The following ABCC8 variants were observed in gnomAD, a reference collection of about 807,000 sequenced individuals.
ABCC8 encodes the protein ATP binding cassette subfamily C member 8.
A neutral mutation model predicts 188.0 loss-of-function variants in ABCC8; 137 were observed. That is an observed-to-expected ratio of 0.73 (90% CI 0.63 to 0.84). The LOEUF is 0.84. Ranked by LOEUF, ABCC8 falls within the 40% of genes least tolerant of loss-of-function variation. The pLI is 0.00. For synonymous variants in ABCC8, 797 were observed against 846.5 expected, an observed-to-expected ratio of 0.94 and a Z score of 1.01; for missense variants, 1,750 against 2,072.7, an observed-to-expected ratio of 0.84 and a Z score of 3.02.
At chr11:17,451,617 G>A (rs1000877942) in intron 7 of ABCC8, among the ~76,000 whole-genome samples, 1 of 152,222 alleles carries the variant, frequency 6.6e-6, no homozygotes, top group Non-Finnish European at 1.5e-5. Context: ...CATGACTAAT[G>A]TTAATGATTC....
intron 8 of ABCC8, chr11:17,444,346 T>C (rs1956441264): frequency 6.6e-6 from 1 of 152,250 alleles, no homozygotes; most frequent in Non-Finnish European, 1.5e-5. Flanking sequence ...CAGTCCTTCA[T>C]TAGTTGTGCT....
rs201724038 is a variant in ABCC8, at chr11:17,427,108, C to T, written c.2163G>A (p.Ser721=). ...TCTCCCCCAGTGCGGCTAGAAGGAG[C>T]GAGGACTTGCCGCAGCCCACCTGCC... is the stretch of plus-strand genomic sequence containing the variant. ...IVGQVGCGKS[S]LLLAALGEMQ... is the part of the protein sequence containing the mutation. The change falls in exon 16 of 39, where the codon TCG becomes TCA. Residue 721 remains serine, a synonymous_variant. Coordinates refer to ENST00000389817, the MANE Select transcript of ABCC8 (RefSeq NM_000352.6). This position sits in a 1 kb window ranked among gnomAD's most constrained non-coding sequence, Gnocchi z 5.0. The T allele has an allele frequency of 2.7e-5, 44 of 1,613,836 alleles. No homozygotes were observed. The East Asian group carries it at 4.7e-4, about 17-fold the overall frequency.
At chr11:17,405,390 G>A (rs1397045166) in intron 27 of ABCC8, 104 bp downstream of exon 27, 1 of 1,543,964 alleles carries the variant, frequency 6.5e-7, no homozygotes, top group African/African-American at 1.4e-5. Context: ...CTTCCCAGAG[G>A]GCTGTGATCA....
chr11:17,469,079 C>CTCCCTTCCTTCCT (rs1564989373), intron 3 of ABCC8, among the ~76,000 whole-genome samples: 3 of 134,304 alleles, frequency 2.2e-5, no homozygotes, highest in African/African-American at 8.7e-5. Context: ...CCTTCCCTCC[C>CTCCCTTCCTTCCT]TCCCTCCTTC....
At chr11:17,455,937 CAAAAAAA>C (rs796687753) in intron 6 of ABCC8, among the ~76,000 whole-genome samples, 16 of 62,774 alleles carry the variant, frequency 2.5e-4, no homozygotes, top group South Asian at 6.2e-4. Context: ...AGGCTCCATC[CAAAAAAA>C]AAAAAAAAAA....
At chr11:17,442,983 G>A (rs1956380050) in intron 9 of ABCC8, 101 bp from the exon 10 acceptor site, 1 of 1,592,846 alleles carries the variant, frequency 6.3e-7, no homozygotes, top group African/African-American at 1.3e-5. Flanking sequence ...CCCGCCTCCT[G>A]TCCTCACCGG....
At chr11:17,403,297 C>T (rs1286578062) in intron 28 of ABCC8, among the ~76,000 whole-genome samples, 2 of 152,200 alleles carry the variant, frequency 1.3e-5, no homozygotes, top group Admixed American at 1.3e-4. Context: ...CCCAAAGCTG[C>T]ACCTCGACAA....
intron 20 of ABCC8, chr11:17,413,014 T>TA: frequency 1.5e-6 from 1 of 684,004 alleles, no homozygotes; most frequent in South Asian, 2.0e-5. Context: ...CAGCAGGGAT[T>TA]AAAATCACAC....
intron 8 of ABCC8, among the ~76,000 whole-genome samples, chr11:17,445,718 T>C (rs991980901): frequency 2.0e-5 from 3 of 150,036 alleles, no homozygotes; most frequent in Non-Finnish European, 3.0e-5. Flanking sequence ...TAAAGGTATA[T>C]ACAAACACAG....
chr11:17,404,433 C>G lies in ABCC8; in HGVS notation c.3557+79G>C. 7.0e-7 allele frequency: 1 copy of G among 1,431,876 alleles called. No homozygotes were observed. 88.7% of individuals were successfully genotyped at this position (1,431,876 alleles called of 1,614,324 possible). ...TTGGAGGGAACACGACCCTATTACTCTCATAACGATGAGTCTAGCAAGTAC... is the reference window on the plus strand; with the variant it reads ...TTGGAGGGAACACGACCCTATTACTGTCATAACGATGAGTCTAGCAAGTAC... On this transcript the variant is annotated intron_variant, in intron 28 of 38. Coordinates refer to ENST00000389817, the MANE Select transcript of ABCC8 (RefSeq NM_000352.6). This position sits in a 1 kb window ranked among gnomAD's most constrained non-coding sequence, Gnocchi z 4.7.
chr11:17,470,200 G>A lies in ABCC8; in HGVS notation c.313C>T (p.His105Tyr), dbSNP rs766068851. 22 of 1,614,086 alleles carry A rather than the reference G, an allele frequency of 1.4e-5. No homozygotes were observed. The highest frequency in any genetic ancestry group is 1.6e-4 in the Middle Eastern group (1 of 6,082). Residue 105 changes from histidine to tyrosine, a missense_variant, in exon 3 of 39, where the codon CAC becomes TAC. His to Tyr is a moderately conservative substitution (Grantham distance 83). Transcript: ENST00000389817. ...SDGVTESHHLHLYMPAGMAFM... is the reference protein window; with the variant it reads ...SDGVTESHHLYLYMPAGMAFM... ...GCCATCCCGGCTGGCATGTACAGGT[G>A]CAGATGGTGGGATTCGGTCACCCTG...
chr11:17,415,866 G>C (rs192037942), intron 17 of ABCC8, among the ~76,000 whole-genome samples: 3 of 152,312 alleles, frequency 2.0e-5, no homozygotes, highest in Admixed American at 2.0e-4. Context: ...GCCCCATATG[G>C]CCCCATCAGA....
At chr11:17,467,968 G>C (rs1326753458) in intron 3 of ABCC8, among the ~76,000 whole-genome samples, 1 of 152,250 alleles carries the variant, frequency 6.6e-6, no homozygotes, top group Non-Finnish European at 1.5e-5. Context: ...GAACTCCTCA[G>C]ATGTCCAGAC....
At chr11:17,459,023 C>T (rs1038923567) in intron 6 of ABCC8, among the ~76,000 whole-genome samples, 7 of 152,214 alleles carry the variant, frequency 4.6e-5, no homozygotes, top group African/African-American at 1.7e-4. Flanking sequence ...AGCTTCCTGG[C>T]TGTAAATGCC....
At chr11:17,397,651 AC>A (rs1954009832) in intron 31 of ABCC8, 32 bp downstream of exon 31, 1 of 1,603,794 alleles carries the variant, frequency 6.2e-7, no homozygotes, top group Admixed American at 1.7e-5. Context: ...CTGGTGTCTG[AC>A]CCCTCCTCTG....
At chr11:17,443,119 G>GCTGCTGT in intron 9 of ABCC8, 59 bp downstream of exon 9, 1 of 1,591,198 alleles carries the variant, frequency 6.3e-7, no homozygotes, top group Non-Finnish European at 8.6e-7. Flanking sequence ...GAGGAGACCT[G>GCTGCTGT]CTGCTGTCGA....
At chr11:17,441,996 C>T (rs922888363) in intron 10 of ABCC8, among the ~76,000 whole-genome samples, 7 of 152,170 alleles carry the variant, frequency 4.6e-5, no homozygotes. Flanking sequence ...AGGAGAATCA[C>T]TTGAACCTGG....
rs780745751 is a variant in ABCC8 at position 17,414,531 on chromosome 11, T to A, written c.2371A>T (p.Ser791Cys). Residue 791 changes from serine to cysteine, a missense_variant, in exon 19 of 39, where the codon AGT (serine) becomes TGT (cysteine). Physicochemically the swap from Ser to Cys is moderately radical, Grantham distance 112 (BLOSUM62 -1). Transcript: ENST00000389817. Reference sequence around the variant, plus strand: ...TTTTACCGTTGTTTGTTGAAGGGACTCTCAAAGATGATGTTCTCCTCCACA... The same window carrying A: ...TTTTACCGTTGTTTGTTGAAGGGACACTCAAAGATGATGTTCTCCTCCACA... ...ATVEENIIFE[S>C]PFNKQRYKMV... is the part of the protein sequence containing the mutation. The A allele has an allele frequency of 1.1e-5, 18 of 1,614,104 alleles. No homozygotes were observed. The highest frequency in any genetic ancestry group is 1.7e-5 in the Admixed American group (1 of 60,010).
At chr11:17,461,387 G>C in intron 5 of ABCC8, 196 bp downstream of exon 5, 1 of 696,204 alleles carries the variant, frequency 1.4e-6, no homozygotes, top group Non-Finnish European at 2.5e-6. Context: ...CATTCCAACT[G>C]TGCCTGTCCT....
Sources: allele counts gnomAD v4.1 joint callset (sites outside exome capture counted in the v4.1 genomes callset), GRCh38; gene constraint gnomAD v4.1.1; non-coding constraint Gnocchi (gnomAD v3.1); transcripts MANE v1.5; gene names NCBI Gene and HGNC (gene_info 2026-07-23, HGNC 2026-07-21).